Variants in SLC4A10 observed in about 807,000 individuals in gnomAD.
The protein encoded by SLC4A10 is sodium-driven chloride bicarbonate exchanger.
In SLC4A10, 42 loss-of-function variants were observed where a neutral mutation model predicts 137.7. The observed-to-expected ratio is 0.30, with a 90% confidence interval of 0.24 to 0.39. The LOEUF is 0.39. Among genes scored for constraint, SLC4A10 ranks in the 10% least tolerant of loss-of-function variants. The pLI is 1.00. For synonymous variants in SLC4A10, 474 were observed against 464.1 expected, an observed-to-expected ratio of 1.02 and a Z score of -0.27; for missense variants, 925 against 1,355.0, an observed-to-expected ratio of 0.68 and a Z score of 4.98.
Position 161,904,819 on chromosome 2 carries a change from C to G in SLC4A10, c.1661C>G (p.Ala554Gly). 6.2e-7 allele frequency: 1 copy of G among 1,613,934 alleles called. No individual in the cohort carries two copies. Among genetic ancestry groups the G allele is most frequent in the South Asian group, 1.1e-5 (1 of 91,076 alleles). Residue 554 changes from alanine to glycine, a missense_variant, in exon 14 of 27, where the codon GCC (alanine) becomes GGC (glycine). Ala to Gly is a moderately conservative substitution (Grantham distance 60). Coordinates refer to ENST00000446997, the MANE Select transcript of SLC4A10 (RefSeq NM_001178015.2). ...TTTGGAGCATCCATGACCGGGATAGCCTATTCTCTCTTTGGTGGACAGCCT... is the reference window on the plus strand; with the variant it reads ...TTTGGAGCATCCATGACCGGGATAGGCTATTCTCTCTTTGGTGGACAGCCT... ...SLFGASMTGI[A>G]YSLFGGQPLT...
At chr2:161,863,467 G>C (rs1488174360) in intron 6 of SLC4A10, among the ~76,000 whole-genome samples, 1 of 152,144 alleles carries the variant, frequency 6.6e-6, no homozygotes, top group Admixed American at 6.6e-5. Context: ...ATCATCTAGT[G>C]TTTGTGGAAA....
rs371417013 is a variant in SLC4A10 at position 161,911,535 on chromosome 2, T to A, written c.1997+5648T>A. On this transcript the variant is annotated intron_variant, in intron 15 of 26. Transcript: ENST00000446997. ...TAAAACAGATTTAGAGAACTATCTG[T>A]TTCAACCTTTTTAAATCACATTTTT... is the stretch of plus-strand genomic sequence containing the variant. 3.9e-5 allele frequency among the ~76,000 whole-genome samples: 6 copies of A among 152,190 alleles called. No homozygotes were observed. The South Asian group carries it at 1.2e-3, about 32-fold the overall frequency.
intron 19 of SLC4A10, among the ~76,000 whole-genome samples, chr2:161,951,326 G>A (rs982992079): frequency 6.6e-6 from 1 of 151,862 alleles, no homozygotes; most frequent in Non-Finnish European, 1.5e-5. Flanking sequence ...AGACATAAAC[G>A]TCACAGTTTA....
chr2:161,757,722 A>G (rs181568895), intron 1 of SLC4A10, among the ~76,000 whole-genome samples: 22 of 152,286 alleles, frequency 1.4e-4, no homozygotes, highest in African/African-American at 4.8e-4. Context: ...GCCAATTGAA[A>G]GTATGAATTC....
rs184907036 is a variant in SLC4A10, at chr2:161,661,730, G to C, written c.48+37164G>C. Among the ~76,000 whole-genome samples, 640 of 152,138 alleles carry C rather than the reference G, an allele frequency of 4.2e-3. 4 individuals are homozygous for C. Among genetic ancestry groups the C allele is most frequent in the Middle Eastern group, 0.014 (4 of 294 alleles). On this transcript the variant is annotated intron_variant, in intron 1 of 26. Transcript: ENST00000446997. ...TACTTTTTAGGCTTTCTATTTGTTG[G>C]CTTCATTCCCATTTTTCAAATTGAA... is the stretch of plus-strand genomic sequence containing the variant.
rs1411021649 is a variant in SLC4A10 at position 161,774,416 on chromosome 2, T to C, written c.130+3362T>C. The stretch of plus-strand genomic sequence containing the variant: ...TTTATTATTTTTTATTTGCTAAATC[T>C]GGAAACCTTAGTAGTGGATGTTACA... On this transcript the variant is annotated intron_variant, in intron 2 of 26. Coordinates refer to ENST00000446997, the MANE Select transcript of SLC4A10 (RefSeq NM_001178015.2). Among the ~76,000 whole-genome samples, 5 of 152,046 alleles carry C rather than the reference T, an allele frequency of 3.3e-5. No homozygotes were observed. The East Asian group carries it at 9.7e-4, about 30-fold the overall frequency.
At chr2:161,839,748 G>A (rs2059060007) in intron 3 of SLC4A10, 41 bp from the exon 4 acceptor site, 2 of 1,608,672 alleles carry the variant, frequency 1.2e-6, no homozygotes, top group Non-Finnish European at 1.7e-6. Flanking sequence ...CAGGGTCGTG[G>A]TAATACATGT....
At chr2:161,669,666 T>A (rs898802907) in intron 1 of SLC4A10, among the ~76,000 whole-genome samples, 4 of 152,052 alleles carry the variant, frequency 2.6e-5, no homozygotes, top group Admixed American at 1.3e-4. Flanking sequence ...GCATAGTTGA[T>A]ATTTTAAAAT....
intron 23 of SLC4A10, among the ~76,000 whole-genome samples, chr2:161,966,017 C>G (rs953894161): frequency 6.6e-6 from 1 of 152,118 alleles, no homozygotes; most frequent in Non-Finnish European, 1.5e-5. Flanking sequence ...CTATTTTTCT[C>G]TATAAGTAGT....
chr2:161,728,831 C>T (rs1318383880), intron 1 of SLC4A10, among the ~76,000 whole-genome samples: 1 of 152,106 alleles, frequency 6.6e-6, no homozygotes, highest in African/African-American at 2.4e-5. Context: ...ATTAAGTCCA[C>T]AAATCTATGA....
intron 3 of SLC4A10, among the ~76,000 whole-genome samples, chr2:161,838,043 T>C (rs923688064): frequency 3.3e-5 from 5 of 152,194 alleles, no homozygotes; most frequent in Non-Finnish European, 5.9e-5. Context: ...AATAAATTTC[T>C]GTTGTTTATA....
intron 1 of SLC4A10, among the ~76,000 whole-genome samples, chr2:161,701,884 A>T (rs560804048): frequency 1.6e-4 from 24 of 152,118 alleles, no homozygotes; most frequent in African/African-American, 5.1e-4. Flanking sequence ...ACTAGCTATT[A>T]TGAAAAAGAC....
At chr2:161,810,005 A>T (rs996513481) in intron 3 of SLC4A10, among the ~76,000 whole-genome samples, 6 of 152,192 alleles carry the variant, frequency 3.9e-5, no homozygotes, top group African/African-American at 1.4e-4. Flanking sequence ...CTTCCTATTC[A>T]TGAGTGTGGA....
intron 3 of SLC4A10, among the ~76,000 whole-genome samples, chr2:161,819,771 G>GCCTCC (rs2057457121): frequency 6.6e-6 from 1 of 152,164 alleles, no homozygotes; most frequent in Non-Finnish European, 1.5e-5. Context: ...TGGGATTACA[G>GCCTCC]GAATGAGCCA....
rs145299394 is a variant in SLC4A10 at position 161,803,694 on chromosome 2, C to T, written c.131-755C>T. Among the ~76,000 whole-genome samples, 470 of 152,206 alleles carry T rather than the reference C, an allele frequency of 3.1e-3. 1 individual carries two copies. The highest frequency in any genetic ancestry group is 4.9e-3 in the Non-Finnish European group (336 of 68,002). ...TCTCTCATGTCTTTTTTGTGGTTGA[C>T]AGCTCATTTCCTTTTCCAGTAGTCC... On this transcript the variant is annotated intron_variant, in intron 2 of 26. Transcript: ENST00000446997.
intron 2 of SLC4A10, among the ~76,000 whole-genome samples, chr2:161,777,994 A>G (rs2052578890): frequency 6.6e-6 from 1 of 151,960 alleles, no homozygotes; most frequent in Non-Finnish European, 1.5e-5. Context: ...ATACAGGATG[A>G]ATTTCTTTTC....
chr2:161,788,619 C>G (rs1290660510), intron 2 of SLC4A10, among the ~76,000 whole-genome samples: 1 of 152,144 alleles, frequency 6.6e-6, no homozygotes, highest in East Asian at 1.9e-4. Context: ...TGTTCTTTGG[C>G]TCCCAAGCTG....
chr2:161,875,643 G>T (rs910405991), intron 8 of SLC4A10, among the ~76,000 whole-genome samples: 10 of 152,224 alleles, frequency 6.6e-5, no homozygotes, highest in African/African-American at 1.9e-4. Flanking sequence ...TTTTATGTTG[G>T]TGGTGTTTTC....
intron 1 of SLC4A10, among the ~76,000 whole-genome samples, chr2:161,761,641 T>A (rs1013680936): frequency 6.6e-6 from 1 of 152,128 alleles, no homozygotes; most frequent in Admixed American, 6.6e-5. Flanking sequence ...TTAAAACTTT[T>A]CTTAACTTCT....
Sources: gnomAD v4.1 joint callset for allele counts (sites outside exome capture counted in the v4.1 genomes callset) on GRCh38, gnomAD v4.1.1 for gene constraint, MANE v1.5 for transcripts, NCBI Gene and HGNC (gene_info 2026-07-23, HGNC 2026-07-21) for gene names.